The following HDAC9 variants were observed in gnomAD, a reference collection of about 807,000 sequenced individuals.
HDAC9 encodes the protein MEF-2 interacting transcription repressor (MITR) protein.
A neutral mutation model predicts 139.4 loss-of-function variants in HDAC9; 41 were observed. The ratio of observed to expected loss-of-function variants is 0.29; its 90% CI spans 0.23 to 0.38. The LOEUF (loss-of-function observed/expected upper bound fraction) is 0.38. Among genes scored for constraint, HDAC9 ranks in the 10% least tolerant of loss-of-function variants. The probability of loss-of-function intolerance (pLI) is 1.00; values close to 1 mark genes in which losing one functional copy is unlikely to be tolerated. For synonymous variants in HDAC9, 517 were observed against 476.2 expected, an observed-to-expected ratio of 1.09 and a Z score of -1.12; for missense variants, 1,147 against 1,297.0, an observed-to-expected ratio of 0.88 and a Z score of 1.78.
chr7:18,445,982 A>G (rs143145667), intron 1 of HDAC9, among the ~76,000 whole-genome samples: 10 of 152,252 alleles, frequency 6.6e-5, no homozygotes, highest in Non-Finnish European at 1.3e-4. Context: ...TGCTCCTTAA[A>G]GAACAAAATT....
chr7:18,601,896 A>C (rs1834047494), intron 6 of HDAC9, among the ~76,000 whole-genome samples: 1 of 152,182 alleles, frequency 6.6e-6, no homozygotes, highest in African/African-American at 2.4e-5. Context: ...TTTAAAATCT[A>C]TATTCAGGAG....
At chr7:18,930,333 A>T (rs1804625690) in intron 22 of HDAC9, among the ~76,000 whole-genome samples, 1 of 152,160 alleles carries the variant, frequency 6.6e-6, no homozygotes, top group African/African-American at 2.4e-5. Flanking sequence ...AGGTGTTATT[A>T]AGTTTACTGT....
At chr7:18,140,724 A>T (rs1785837986) in intron 1 of HDAC9, among the ~76,000 whole-genome samples, 1 of 152,110 alleles carries the variant, frequency 6.6e-6, no homozygotes, top group Non-Finnish European at 1.5e-5. Context: ...TTTAACTTAC[A>T]TGCCTATGTC....
chr7:18,783,920 G>T (rs1224425767), intron 16 of HDAC9, among the ~76,000 whole-genome samples: 1 of 151,842 alleles, frequency 6.6e-6, no homozygotes, highest in Non-Finnish European at 1.5e-5. Context: ...AAAATTGTTT[G>T]GAACTGTGTA....
At chr7:18,852,386 G>A (rs1455341639) in intron 21 of HDAC9, among the ~76,000 whole-genome samples, 1 of 152,182 alleles carries the variant, frequency 6.6e-6, no homozygotes, top group Admixed American at 6.6e-5. Flanking sequence ...TTAGAGTCAG[G>A]CGAGGAGGCG....
rs563739010 is a variant in HDAC9 at position 18,587,743 on chromosome 7, G to T, written c.264+2221G>T. Reference sequence around the variant, plus strand: ...TGTCTGCCTCCAAAGCTCTTAAGTTGCCCTGCCTCTCTCATGGGCCAGAAC... The same window carrying T: ...TGTCTGCCTCCAAAGCTCTTAAGTTTCCCTGCCTCTCTCATGGGCCAGAAC... On this transcript the variant is annotated intron_variant, in intron 3 of 25. Transcript: ENST00000686413. Among the ~76,000 whole-genome samples the T allele has an allele frequency of 3.9e-5, 6 of 152,236 alleles. No homozygotes were observed. The East Asian group carries it at 1.2e-3, about 29-fold the overall frequency.
chr7:18,488,298 C>G (rs567992329), intron 1 of HDAC9, among the ~76,000 whole-genome samples: 1 of 151,954 alleles, frequency 6.6e-6, no homozygotes. Flanking sequence ...CTTCATTATT[C>G]AGCATGAACC....
intron 1 of HDAC9, among the ~76,000 whole-genome samples, chr7:18,107,555 T>C (rs1783312824): frequency 6.6e-6 from 1 of 151,860 alleles, no homozygotes; most frequent in Non-Finnish European, 1.5e-5. Flanking sequence ...GACAGACACC[T>C]CCTTTAAAAA....
In HDAC9 at chr7:18,136,776, T is replaced by G. The variant is rs1201048132; in HGVS notation, c.-96-25453T>G. On this transcript the variant is annotated intron_variant, in intron 1 of 12. Coordinates refer to the HDAC9 transcript ENST00000417496. ...TTGTTCTTTTGGCTTAGGATTGACT[T>G]GGCGATGCGGGCTCTTTTTTGGTTC... Among the ~76,000 whole-genome samples, 6 of 151,638 alleles carry G rather than the reference T, an allele frequency of 4.0e-5. No homozygotes were observed. In the East Asian group the frequency reaches 1.2e-3, roughly 30 times the overall value.
At chr7:18,477,709 G>A (rs560531413) in intron 1 of HDAC9, among the ~76,000 whole-genome samples, 326 of 152,060 alleles carry the variant, frequency 2.1e-3, no homozygotes, top group African/African-American at 7.6e-3. Context: ...ATGTTATGTC[G>A]ATTCTTAAAA....
chr7:18,171,225 C>T (rs1788411840), intron 2 of HDAC9, among the ~76,000 whole-genome samples: 1 of 152,144 alleles, frequency 6.6e-6, no homozygotes, highest in South Asian at 2.1e-4. Context: ...TGGGAGTTCA[C>T]TCATGACTTG....
intron 1 of HDAC9, among the ~76,000 whole-genome samples, chr7:18,396,087 C>CCCTTCCCTTCCCTTCCCTTCCCTTT (rs1787011204): frequency 9.2e-6 from 1 of 108,694 alleles, no homozygotes; most frequent in African/African-American, 3.8e-5. Context: ...TCATTCCCTT[C>CCCTTCCCTTCCCTTCCCTTCCCTTT]CCTTCCCTTC....
intron 2 of HDAC9, among the ~76,000 whole-genome samples, chr7:18,273,291 A>G (rs1391941670): frequency 1.3e-5 from 2 of 151,502 alleles, no homozygotes; most frequent in Non-Finnish European, 2.9e-5. Context: ...CTGGTCCCGA[A>G]CTCCTGGCTT....
chr7:18,855,484 T>G (rs1428911043), intron 21 of HDAC9, among the ~76,000 whole-genome samples: 1 of 151,950 alleles, frequency 6.6e-6, no homozygotes, highest in Non-Finnish European at 1.5e-5. Flanking sequence ...GCTTTAAGTC[T>G]TCATCATGAG....
At chr7:18,977,919 GACACACACACACACACACAC>G (rs147049392) in intron 25 of HDAC9, among the ~76,000 whole-genome samples, 45 of 141,036 alleles carry the variant, frequency 3.2e-4, no homozygotes, top group African/African-American at 9.7e-4. Flanking sequence ...CAGACAGACA[GACACACACACACACACACAC>G]ACACACACAC....
At chr7:18,666,589 A>G in intron 12 of HDAC9, 113 bp downstream of exon 12, 1 of 1,496,734 alleles carries the variant, frequency 6.7e-7, no homozygotes. Context: ...ATATTTCTCT[A>G]TGATTTGAGT....
chr7:18,753,122 CAT>C (rs1406355274), intron 14 of HDAC9, among the ~76,000 whole-genome samples: 1 of 152,078 alleles, frequency 6.6e-6, no homozygotes, highest in Non-Finnish European at 1.5e-5. Context: ...ACAAAATATA[CAT>C]CCCCTGTCTT....
chr7:18,442,200 T>G (rs1260786255), intron 1 of HDAC9, among the ~76,000 whole-genome samples: 2 of 152,152 alleles, frequency 1.3e-5, no homozygotes, highest in African/African-American at 4.8e-5. Context: ...CCAATGACAA[T>G]GTTTTGACAT....
intron 1 of HDAC9, among the ~76,000 whole-genome samples, chr7:18,413,178 T>A (rs1206538131): frequency 6.6e-6 from 1 of 152,194 alleles, no homozygotes; most frequent in East Asian, 1.9e-4. Flanking sequence ...TAATTTCCTA[T>A]AGATATTTTT....
Sources: allele counts gnomAD v4.1 joint callset (sites outside exome capture counted in the v4.1 genomes callset), GRCh38; gene constraint gnomAD v4.1.1; transcripts MANE v1.5; gene names NCBI Gene and HGNC (gene_info 2026-07-23, HGNC 2026-07-21).